Variants in EGFLAM observed in about 807,000 individuals in gnomAD.
EGFLAM encodes the protein EGF like, fibronectin type III and laminin G domains, also known as pikachurin.
Under a neutral mutation model 113.1 loss-of-function variants are expected in EGFLAM, and 79 were observed. The observed-to-expected ratio is 0.70, with a 90% CI of 0.58 to 0.84. The LOEUF (loss-of-function observed/expected upper bound fraction) is 0.84. EGFLAM is among the 40% of genes least tolerant of loss of function. The pLI, the probability that EGFLAM is intolerant of heterozygous loss-of-function variation, is 0.00. For missense variants in EGFLAM, 1,265 were observed against 1,291.6 expected (o/e 0.98, Z 0.32); for synonymous variants, 504 against 487.6 (o/e 1.03, Z -0.44).
intron 1 of EGFLAM, among the ~76,000 whole-genome samples, chr5:38,331,097 A>C (rs1739028786): frequency 6.6e-6 from 1 of 152,218 alleles, no homozygotes; most frequent in Admixed American, 6.5e-5. Context: ...AGGTTTTAAA[A>C]GACTATTTAG....
At chr5:38,379,892 TTA>T (rs1239557142) in intron 6 of EGFLAM, among the ~76,000 whole-genome samples, 103 of 152,218 alleles carry the variant, frequency 6.8e-4, no homozygotes, top group African/African-American at 2.4e-3. Context: ...TTGTTTGCTT[TTA>T]GTCTTCCCAA....
chr5:38,262,498 T>C (rs554828798), intron 1 of EGFLAM, among the ~76,000 whole-genome samples: 1 of 152,266 alleles, frequency 6.6e-6, no homozygotes, highest in South Asian at 2.1e-4. Context: ...TTACCTTGTG[T>C]CCCTTTGTAG....
chr5:38,459,334 C>A (rs1743197658), intron 20 of EGFLAM, among the ~76,000 whole-genome samples: 1 of 151,830 alleles, frequency 6.6e-6, no homozygotes, highest in Admixed American at 6.6e-5. Flanking sequence ...ATTACCTAAA[C>A]CTTAGAACCT....
intron 5 of EGFLAM, among the ~76,000 whole-genome samples, chr5:38,353,586 A>T (rs2561108): frequency 0.51 from 77,234 of 152,160 alleles, 21,752 homozygotes; most frequent in Non-Finnish European, 0.61. Context: ...GGTACTGCAC[A>T]GAATCTCTTT....
In EGFLAM at chr5:38,405,432, A is replaced by ACTAGATGCATTCTTTTG. The variant is rs1164746977; in HGVS notation, c.713-692_713-676dup. 2.8e-3 allele frequency among the ~76,000 whole-genome samples: 428 copies of ACTAGATGCATTCTTTTG among 152,256 alleles called. 2 individuals are homozygous for ACTAGATGCATTCTTTTG. Among genetic ancestry groups the ACTAGATGCATTCTTTTG allele is most frequent in the African/African-American group, 9.9e-3 (413 of 41,536 alleles). On this transcript the variant is annotated intron_variant, in intron 6 of 21. Coordinates refer to ENST00000322350, the MANE Select transcript of EGFLAM (RefSeq NM_152403.4). The stretch of plus-strand genomic sequence containing the variant: ...TTGTCTTTTATATTAATGTCATCAA[A>ACTAGATGCATTCTTTTG]CTAGATGCATTCTTTTGCAACTTGC...
At chr5:38,376,662 C>A (rs904859054) in intron 6 of EGFLAM, among the ~76,000 whole-genome samples, 3 of 152,142 alleles carry the variant, frequency 2.0e-5, no homozygotes, top group Non-Finnish European at 4.4e-5. Context: ...CCTTTCAGAT[C>A]CTAGCTCAAA....
chr5:38,457,019 T>TAAC (rs1743108584), intron 19 of EGFLAM, among the ~76,000 whole-genome samples: 2 of 152,236 alleles, frequency 1.3e-5, no homozygotes. Context: ...TTCTCTCTGG[T>TAAC]AACAACATGT....
intron 6 of EGFLAM, among the ~76,000 whole-genome samples, chr5:38,386,540 C>T (rs560337161): frequency 2.0e-5 from 3 of 150,928 alleles, no homozygotes; most frequent in Admixed American, 1.3e-4. Context: ...AGGAGTCTCG[C>T]TCTGTTGCCA....
chr5:38,398,053 A>C (rs1372544442), intron 6 of EGFLAM, among the ~76,000 whole-genome samples: 1 of 152,202 alleles, frequency 6.6e-6, no homozygotes, highest in Non-Finnish European at 1.5e-5. Flanking sequence ...CCCAAGCCAA[A>C]GTGACTTAAT....
intron 1 of EGFLAM, among the ~76,000 whole-genome samples, chr5:38,259,212 A>G (rs1045215155): frequency 6.6e-6 from 1 of 152,098 alleles, no homozygotes; most frequent in African/African-American, 2.4e-5. Context: ...GTCTCCAAAC[A>G]TTTTACTCAA....
intron 12 of EGFLAM, among the ~76,000 whole-genome samples, chr5:38,420,585 A>T (rs1388620151): frequency 1.3e-5 from 2 of 152,202 alleles, no homozygotes; most frequent in Non-Finnish European, 2.9e-5. Flanking sequence ...AAGCACTTAG[A>T]ATAGGGCTTT....
intron 6 of EGFLAM, among the ~76,000 whole-genome samples, chr5:38,375,661 A>G (rs894149571): frequency 2.6e-5 from 4 of 152,104 alleles, no homozygotes; most frequent in African/African-American, 9.7e-5. Flanking sequence ...TAATTGCTTA[A>G]TGGGGCAATT....
At position 38,300,185 on chromosome 5, in the gene EGFLAM, C is replaced by T. The variant is rs575400945; in HGVS notation, c.98-37335C>T. On this transcript the variant is annotated intron_variant, in intron 1 of 21. Transcript: ENST00000322350. ...ATGAAGAACAACCAGTGAAAAGTCC[C>T]GAGGTGGGGGTGTGGCTGGCCTGTT... Among the ~76,000 whole-genome samples, 14 of 152,144 alleles carry T rather than the reference C, an allele frequency of 9.2e-5. No individual in the cohort carries two copies. In the South Asian group the frequency reaches 2.5e-3, roughly 27 times the overall value.
rs779093629 is a variant in EGFLAM at position 38,352,277 on chromosome 5, C to T, written c.491C>T (p.Pro164Leu). The stretch of plus-strand genomic sequence containing the variant: ...TCTGAGGTGGCCCTGTCTTGGAAAC[C>T]TGGAGCGAGTGAAGGAAGCGCCCCT... The part of the protein sequence containing the change: ...SDSEVALSWK[P>L]GASEGSAPIQ... The change falls in exon 5 of 22, where the codon CCT becomes CTT. Residue 164 changes from proline to leucine, a missense_variant. Transcript: ENST00000322350. The T allele has an allele frequency of 6.2e-7, 1 of 1,614,144 alleles. No individual in the cohort carries two copies. The highest frequency in any genetic ancestry group is 1.1e-5 in the South Asian group (1 of 91,082).
intron 8 of EGFLAM, 89 bp from the exon 9 acceptor site, chr5:38,407,716 A>G (rs1741336899): frequency 1.1e-6 from 1 of 915,970 alleles, no homozygotes; most frequent in Non-Finnish European, 1.7e-6. Flanking sequence ...TTCTCACTTA[A>G]TGATATTCAG....
At position 38,409,097 on chromosome 5, in the gene EGFLAM, C is replaced by A; in HGVS notation, c.1342C>A (p.Gln448Lys). 6.4e-7 allele frequency: 1 copy of A among 1,574,388 alleles called. No homozygotes were observed. Residue 448 changes from glutamine (Q) to lysine (K), a missense_variant, in exon 10 of 22, where the codon CAG (glutamine) becomes AAG (lysine). Physicochemically the swap from Gln to Lys is moderately conservative, Grantham distance 53. Transcript: ENST00000322350. ...MSLAIIRRSL[Q>K]FRFNCGTGVA... Reference sequence around the variant, plus strand: ...CCTGGCTATCATCCGACGCTCCCTGCAGTTCAGGTAATTCCTGCCAAAAGC... The same window carrying A: ...CCTGGCTATCATCCGACGCTCCCTGAAGTTCAGGTAATTCCTGCCAAAAGC...
chr5:38,278,029 GAA>G (rs71270586), intron 1 of EGFLAM, among the ~76,000 whole-genome samples: 1 of 149,946 alleles, frequency 6.7e-6, no homozygotes, highest in Non-Finnish European at 1.5e-5. Context: ...CACAGAAATA[GAA>G]AAAAAAAATC....
chr5:38,262,260 G>A (rs1757517834), intron 1 of EGFLAM, among the ~76,000 whole-genome samples: 1 of 152,196 alleles, frequency 6.6e-6, no homozygotes, highest in African/African-American at 2.4e-5. Flanking sequence ...GAAGGGAGGG[G>A]AAATCCAGAC....
chr5:38,362,231 C>T (rs1351991438), intron 5 of EGFLAM, among the ~76,000 whole-genome samples: 1 of 152,120 alleles, frequency 6.6e-6, no homozygotes, highest in East Asian at 1.9e-4. Flanking sequence ...TCAAATAATA[C>T]CTAAATGGAT....
Sources: gnomAD v4.1 joint callset for allele counts (sites outside exome capture counted in the v4.1 genomes callset) on GRCh38, gnomAD v4.1.1 for gene constraint, MANE v1.5 for transcripts, NCBI Gene and HGNC (gene_info 2026-07-23, HGNC 2026-07-21) for gene names.